The following BMP7 variants were observed in gnomAD, a reference collection of about 807,000 sequenced individuals.
BMP7 encodes bone morphogenetic protein 7, also known as osteogenic protein 1.
In BMP7, 12 loss-of-function variants were observed where a neutral mutation model predicts 41.2. That is an observed-to-expected ratio of 0.29 (90% CI 0.19 to 0.47). BMP7 has a LOEUF of 0.47. BMP7 is among the 20% of genes least tolerant of loss of function. The pLI is 0.99. For synonymous variants in BMP7, 248 were observed against 250.0 expected (o/e 0.99, Z 0.07); for missense variants, 467 against 606.0 (o/e 0.77, Z 2.41).
In BMP7 at chr20:57,265,997, G is replaced by T. The variant is rs1216200571; in HGVS notation, c.126C>A (p.Ile42=). The T allele has an allele frequency of 1.9e-6, 3 of 1,549,866 alleles. No individual in the cohort carries two copies. In the Admixed American group the frequency reaches 5.9e-5, roughly 30 times the overall value. The change falls in exon 1 of 7, where the codon ATC becomes ATA. Residue 42 remains isoleucine (I), a synonymous_variant. Transcript: ENST00000395863. ...GCTCCTGGCTGCGGAGGCGCCGGTG[G>T]ATGAAGCTCGAGTGCACCTCGTTGT... ...SLDNEVHSSF[I]HRRLRSQERR...
At chr20:57,202,352 G>T in intron 3 of BMP7, 123 bp downstream of exon 3, 2 of 1,314,516 alleles carry the variant, frequency 1.5e-6, no homozygotes, top group Non-Finnish European at 2.1e-6. Flanking sequence ...GCTGAACATG[G>T]AGTACTGGTT....
intron 1 of BMP7, among the ~76,000 whole-genome samples, chr20:57,231,319 T>G (rs1005684610): frequency 1.3e-5 from 2 of 152,252 alleles, no homozygotes; most frequent in African/African-American, 4.8e-5. Flanking sequence ...TCATAGGCGT[T>G]CAGGGAGTTT....
rs755341380 is a variant in BMP7, at chr20:57,228,316, C to T, written c.524G>A (p.Arg175Gln). Residue 175 changes from arginine (R) to glutamine (Q), a missense_variant, in exon 2 of 7, where the codon CGG becomes CAG. By Grantham distance (43) the Arg-to-Gln change is conservative. Around this residue, in one of 2 missense-constraint regions of BMP7, gnomAD observed 407 missense variants for 485.9 expected, o/e 0.84. Coordinates refer to ENST00000395863, the MANE Select transcript of BMP7 (RefSeq NM_001719.3). This position sits in a 1 kb window ranked among gnomAD's most constrained non-coding sequence, Gnocchi z 4.5. ...TTCCCGGATGTAGTCCTTGTAGATCCGGAATTCGGCTGCCGTGACAGCTTC... is the reference window on the plus strand; with the variant it reads ...TTCCCGGATGTAGTCCTTGTAGATCTGGAATTCGGCTGCCGTGACAGCTTC... The part of the protein sequence containing the change: ...EGEAVTAAEF[R>Q]IYKDYIRERF... The T allele has an allele frequency of 9.9e-6, 16 of 1,613,948 alleles. No individual in the cohort carries two copies. The highest frequency in any genetic ancestry group is 6.6e-5 in the South Asian group (6 of 91,048).
rs1472671184 is a variant in BMP7 at position 57,174,591 on chromosome 20, G to C, written c.1035+340C>G. Among the ~76,000 whole-genome samples, 1 of 152,202 alleles carries C rather than the reference G, an allele frequency of 6.6e-6. No homozygotes were observed. The highest frequency in any genetic ancestry group is 1.5e-5 in the Non-Finnish European group (1 of 68,044). ...GTAAATGAAGTCAGAGGGCAGAGGG[G>C]GAGATGGCTCCCCAGGTATCTACAT... On this transcript the variant is annotated intron_variant, in intron 5 of 6. Transcript: ENST00000395863. The surrounding 1 kb of genome is among the most constrained non-coding windows in gnomAD (Gnocchi z 4.3).
chr20:57,251,189 C>T (rs1436499331), intron 1 of BMP7, among the ~76,000 whole-genome samples: 2 of 152,210 alleles, frequency 1.3e-5, no homozygotes, highest in African/African-American at 4.8e-5. Context: ...GAGGTCAGCC[C>T]TCTTCCTGTC....
chr20:57,245,906 G>A (rs945920554), intron 1 of BMP7, among the ~76,000 whole-genome samples: 3 of 152,194 alleles, frequency 2.0e-5, no homozygotes, highest in Non-Finnish European at 4.4e-5. Flanking sequence ...CCAAAGTGCT[G>A]GGATTACAGG....
chr20:57,243,046 C>T (rs2066076010), intron 1 of BMP7, among the ~76,000 whole-genome samples: 1 of 152,154 alleles, frequency 6.6e-6, no homozygotes, highest in Non-Finnish European at 1.5e-5. Context: ...TGGCTCATGG[C>T]CTTCCTAGTG....
chr20:57,244,052 G>C (rs1411780371), intron 1 of BMP7: 1 of 152,184 alleles, frequency 6.6e-6, no homozygotes, highest in Admixed American at 6.5e-5. Context: ...ACTCCACTGG[G>C]CTGCCAGTTA....
intron 3 of BMP7, among the ~76,000 whole-genome samples, chr20:57,198,876 T>C (rs578155559): frequency 2.0e-5 from 3 of 152,266 alleles, no homozygotes; most frequent in African/African-American, 2.4e-5. Context: ...CACATGCCCA[T>C]TGTGTGCATG....
At chr20:57,172,915 A>G (rs1011854224) in intron 6 of BMP7, 4 of 600,904 alleles carry the variant, frequency 6.7e-6, no homozygotes, top group Non-Finnish European at 1.2e-5. Context: ...ACCAGCACCC[A>G]CAATACTACA....
At chr20:57,265,526 C>T (rs1288757479) in intron 1 of BMP7, among the ~76,000 whole-genome samples, 179 bp downstream of exon 1, 1 of 152,244 alleles carries the variant, frequency 6.6e-6, no homozygotes, top group East Asian at 1.9e-4. Context: ...GCGCGCCCGA[C>T]CTGGGGGCGC....
rs971076319 is a variant in BMP7 at position 57,219,952 on chromosome 20, A to G, written c.611+8277T>C. ...TTTCACTTGATGGCAGCTTCACTCA[A>G]CTGGCAGTGGCTGCCTTATTTAGAG... On this transcript the variant is annotated intron_variant, in intron 2 of 6. Transcript: ENST00000395863. 2.6e-5 allele frequency among the ~76,000 whole-genome samples: 4 copies of G among 152,210 alleles called. No homozygotes were observed. The East Asian group carries it at 7.7e-4, about 29-fold the overall frequency.
intron 1 of BMP7, among the ~76,000 whole-genome samples, chr20:57,255,704 G>A (rs2066131144): frequency 6.8e-6 from 1 of 146,762 alleles, no homozygotes; most frequent in African/African-American, 2.5e-5. Context: ...GGAGGCTGAG[G>A]CAGGAGAATT....
At chr20:57,225,117 G>C (rs74965819) in intron 2 of BMP7, among the ~76,000 whole-genome samples, 1 of 152,160 alleles carries the variant, frequency 6.6e-6, no homozygotes, top group African/African-American at 2.4e-5. Context: ...GGGCTCCCCC[G>C]GGCTGAGGTC....
At chr20:57,209,243 ATATTTT>A (rs1242376145) in intron 2 of BMP7, among the ~76,000 whole-genome samples, 1,200 of 80,142 alleles carry the variant, frequency 0.015, 32 homozygotes, top group South Asian at 0.046. Context: ...CTAGATTTAT[ATATTTT>A]TATATATATA....
rs758656939 is a variant in BMP7, at chr20:57,183,829, G to A, written c.851C>T (p.Thr284Met). 21 of 1,614,166 alleles carry A rather than the reference G, an allele frequency of 1.3e-5. No homozygotes were observed. The highest frequency in any genetic ancestry group is 3.3e-5 in the Admixed American group (2 of 60,028). Residue 284 changes from threonine (T) to methionine (M), a missense_variant, in exon 4 of 7, where the codon ACG becomes ATG. By Grantham distance (81) the Thr-to-Met change is moderately conservative (BLOSUM62 -1). This residue lies in a region of BMP7 where 407 missense variants were observed against 485.9 expected (regional missense o/e 0.84). Transcript: ENST00000395863. ...CCGGATGCTGCGGAAGTGGACCTCC[G>A]TGGCCTTGAAGAAAGCCACCATGAA... is the stretch of plus-strand genomic sequence containing the variant. Reference protein sequence around the residue: ...QPFMVAFFKATEVHFRSIRST... With the variant: ...QPFMVAFFKAMEVHFRSIRST...
chr20:57,221,050 TG>T (rs1449524116), intron 2 of BMP7, among the ~76,000 whole-genome samples: 2 of 152,142 alleles, frequency 1.3e-5, no homozygotes, highest in African/African-American at 2.4e-5. Flanking sequence ...GTGCATTTGG[TG>T]TCTTACTGAG....
At chr20:57,198,742 G>A (rs950122047) in intron 3 of BMP7, among the ~76,000 whole-genome samples, 1 of 152,160 alleles carries the variant, frequency 6.6e-6, no homozygotes, top group African/African-American at 2.4e-5. Flanking sequence ...TCTGGGCTTT[G>A]GAGTTTTGGA....
At chr20:57,220,632 G>GCA (rs1568719862) in intron 2 of BMP7, among the ~76,000 whole-genome samples, 1 of 152,074 alleles carries the variant, frequency 6.6e-6, no homozygotes, top group African/African-American at 2.4e-5. Flanking sequence ...CCAGGCTGCC[G>GCA]CACACACGCT....
Sources: gnomAD v4.1 joint callset for allele counts (sites outside exome capture counted in the v4.1 genomes callset) on GRCh38, gnomAD v4.1.1 for gene constraint, gnomAD v4.1.1 regional missense constraint, Gnocchi (gnomAD v3.1) non-coding constraint, MANE v1.5 for transcripts, NCBI Gene and HGNC (gene_info 2026-07-23, HGNC 2026-07-21) for gene names.